Variants in PLIN1 observed in about 807,000 individuals in gnomAD.
The protein encoded by PLIN1 is perilipin-1.
PLIN1 carries 37 observed loss-of-function variants against 45.8 expected under a neutral mutation model. That is an observed-to-expected ratio of 0.81 (90% CI 0.62 to 1.06). The LOEUF (loss-of-function observed/expected upper bound fraction) is 1.06, where lower values mean the gene tolerates loss of function less well. Among genes scored for constraint, PLIN1 ranks in the 50% least tolerant of loss-of-function variants. The pLI, the probability that PLIN1 is intolerant of heterozygous loss-of-function variation, is 0.00. For synonymous variants in PLIN1, 340 were observed against 309.2 expected (o/e 1.10, Z -1.05); for missense variants, 776 against 716.5 (o/e 1.08, Z -0.95).
intron 3 of PLIN1, among the ~76,000 whole-genome samples, chr15:89,672,849 ACT>A (rs1030915683): frequency 6.6e-6 from 1 of 151,676 alleles, no homozygotes; most frequent in East Asian, 1.9e-4. Context: ...CCTCTGCCAG[ACT>A]CTGCTGGTTC....
chr15:89,677,945 GAT>G (rs924427585), intron 1 of PLIN1: 26 of 165,674 alleles, frequency 1.6e-4, no homozygotes, highest in Non-Finnish European at 3.0e-4. Context: ...GTTTAGTAGA[GAT>G]GGGGTTTCAC....
intron 7 of PLIN1, 87 bp downstream of exon 7, chr15:89,667,515 G>T: frequency 1.2e-6 from 2 of 1,600,994 alleles, no homozygotes; most frequent in Non-Finnish European, 1.7e-6. Context: ...CTGCATCTGG[G>T]GCAGAGGCCC....
rs1596037238 is a variant in PLIN1 at position 89,664,595 on chromosome 15, C to A, written c.*988G>T. The A allele has an allele frequency of 3.4e-6, 1 of 290,640 alleles. No homozygotes were observed. Among genetic ancestry groups the A allele is most frequent in the Non-Finnish European group, 6.8e-6 (1 of 147,114 alleles). The allele number at this position is 290,640 out of a possible 1,614,324, so 18.0% of individuals were successfully genotyped here. On this transcript the variant is annotated 3_prime_UTR_variant, in exon 9 of 9. Transcript: ENST00000300055. ...GTGAAAAAAGCAGGCATGCGTAACA[C>A]CCCACAGCTTGTGTAAACACAAGCG... is the stretch of plus-strand genomic sequence containing the variant.
chr15:89,667,282 T>C, intron 7 of PLIN1, 101 bp from the exon 8 acceptor site: 1 of 1,507,832 alleles, frequency 6.6e-7, no homozygotes. Context: ...GAATACCAAA[T>C]TTACAAAACT....
At position 89,664,833 on chromosome 15, in the gene PLIN1, T is replaced by C. The variant is rs1481127163; in HGVS notation, c.*750A>G. ...TAGGGTTGGGGATGAACTGTGGCTA[T>C]ACATAAAGTCTATATATCATCACCA... On this transcript the variant is annotated 3_prime_UTR_variant, in exon 9 of 9. Transcript: ENST00000300055. 6 of 455,500 alleles carry C rather than the reference T, an allele frequency of 1.3e-5. No individual in the cohort carries two copies. The highest frequency in any genetic ancestry group is 9.3e-5 in the South Asian group (6 of 64,414). The allele number at this position is 455,500 out of a possible 1,614,324, so 28.2% of individuals were successfully genotyped here.
chr15:89,665,840 C>T lies in PLIN1; in HGVS notation c.1312G>A (p.Ala438Thr). The T allele has an allele frequency of 6.9e-7, 1 of 1,457,668 alleles. No homozygotes were observed. The highest frequency in any genetic ancestry group is 1.3e-5 in the South Asian group (1 of 75,720). 90.3% of individuals were successfully genotyped at this position (1,457,668 alleles called of 1,614,324 possible). Residue 438 changes from alanine to threonine, a missense_variant, in exon 9 of 9, where the codon GCG becomes ACG. Coordinates refer to ENST00000300055, the MANE Select transcript of PLIN1 (RefSeq NM_002666.5). The stretch of plus-strand genomic sequence containing the variant: ...GCGGGCTCCGGGCCGGCGGACGGCG[C>T]CCCAGACGCTCTGCGCTCCGCCTCC... ...RREAERRASGAPSAGPEPAPR... is the reference protein window; with the variant it reads ...RREAERRASGTPSAGPEPAPR...
chr15:89,664,704 CA>C lies in PLIN1; in HGVS notation c.*878del, dbSNP rs1368272665. The C allele has an allele frequency of 7.7e-6, 3 of 387,392 alleles. No individual in the cohort carries two copies. Among genetic ancestry groups the C allele is most frequent in the African/African-American group, 6.2e-5 (3 of 48,008 alleles). The allele number at this position is 387,392 out of a possible 1,614,324, so 24.0% of individuals were successfully genotyped here. On this transcript the variant is annotated 3_prime_UTR_variant, in exon 9 of 9. Coordinates refer to ENST00000300055, the MANE Select transcript of PLIN1 (RefSeq NM_002666.5). The stretch of plus-strand genomic sequence containing the variant: ...CGTGGTGGTTTTCAATGAAGGGGAA[CA>C]GGGGAGCTCGGGGAGAAAGACACAC...
intron 7 of PLIN1, 44 bp from the exon 8 acceptor site, chr15:89,667,225 T>C: frequency 6.2e-7 from 1 of 1,609,072 alleles, no homozygotes; most frequent in Non-Finnish European, 8.5e-7. Flanking sequence ...GTAACTCCCC[T>C]GACCCTTCCC....
chr15:89,665,463 A>T lies in PLIN1; in HGVS notation c.*120T>A, dbSNP rs1304391268. On this transcript the variant is annotated 3_prime_UTR_variant, in exon 9 of 9. Coordinates refer to ENST00000300055, the MANE Select transcript of PLIN1 (RefSeq NM_002666.5). ...AGTGCGCCTTGGCAGCATCATCAGG[A>T]TGAGGCTGAGCTCCCCAGGGGACCA... The T allele has an allele frequency of 2.6e-6, 2 of 783,694 alleles. 1 individual carries two copies. Among genetic ancestry groups the T allele is most frequent in the Non-Finnish European group, 3.7e-6 (2 of 541,400 alleles). 48.5% of individuals were successfully genotyped at this position (783,694 alleles called of 1,614,324 possible).
At chr15:89,677,694 A>G (rs1964539635) in intron 1 of PLIN1, 191 bp from the exon 2 acceptor site, 2 of 648,352 alleles carry the variant, frequency 3.1e-6, no homozygotes, top group Non-Finnish European at 2.8e-6. Context: ...CATAGCAATG[A>G]GTTGCTCCAT....
chr15:89,668,776 G>A (rs1327757120), intron 6 of PLIN1, among the ~76,000 whole-genome samples: 1 of 152,140 alleles, frequency 6.6e-6, no homozygotes, highest in Non-Finnish European at 1.5e-5. Flanking sequence ...TTCCTGCAGG[G>A]GCAACACTTG....
chr15:89,665,516 C>G lies in PLIN1; in HGVS notation c.*67G>C. The G allele has an allele frequency of 6.8e-7, 1 of 1,474,418 alleles. No homozygotes were observed. Among genetic ancestry groups the G allele is most frequent in the Non-Finnish European group, 9.1e-7 (1 of 1,101,750 alleles). The allele number at this position is 1,474,418 out of a possible 1,614,324, so 91.3% of individuals were successfully genotyped here. Reference sequence around the variant, plus strand: ...TTGAAAGTGGCAACGCTCGCCTGGGCAGTGCGGGTTCTGTTTATTTGTTAG... The same window carrying G: ...TTGAAAGTGGCAACGCTCGCCTGGGGAGTGCGGGTTCTGTTTATTTGTTAG... On this transcript the variant is annotated 3_prime_UTR_variant, in exon 9 of 9. Transcript: ENST00000300055.
In PLIN1 at chr15:89,670,029, G is replaced by A. The variant is rs1336431507; in HGVS notation, c.549C>T (p.Ser183=). 1 of 1,613,736 alleles carries A rather than the reference G, an allele frequency of 6.2e-7. No homozygotes were observed. Among genetic ancestry groups the A allele is most frequent in the Non-Finnish European group, 8.5e-7 (1 of 1,179,868 alleles). The change falls in exon 5 of 9, where the codon AGC becomes AGT. Residue 183 remains serine (S), a synonymous_variant. Coordinates refer to ENST00000300055, the MANE Select transcript of PLIN1 (RefSeq NM_002666.5). The part of the protein sequence containing the change: ...ASGGADLALG[S]IEKVVEYLLP... ...GGAGGTACTCCACCACCTTCTCAAT[G>A]CTGCCCAAGGCCAAGTCGGCCCCTC...
intron 8 of PLIN1, among the ~76,000 whole-genome samples, chr15:89,666,544 A>G (rs908304773): frequency 6.6e-6 from 1 of 152,096 alleles, no homozygotes; most frequent in African/African-American, 2.4e-5. Flanking sequence ...GTCCCCTGGA[A>G]CTCATGGCCC....
At position 89,667,505 on chromosome 15, in the gene PLIN1, C is replaced by G; in HGVS notation, c.963+97G>C. The G allele has an allele frequency of 1.9e-6, 3 of 1,587,320 alleles. No homozygotes were observed. The South Asian group carries it at 3.3e-5, about 18-fold the overall frequency. On this transcript the variant is annotated intron_variant, in intron 7 of 8. Transcript: ENST00000300055. ...GGTGTTGCACGCACATGCCGTGCCC[C>G]TGCATCTGGGGCAGAGGCCCTGAGT...
intron 1 of PLIN1, among the ~76,000 whole-genome samples, chr15:89,678,300 A>G (rs1964550100): frequency 6.6e-6 from 1 of 151,880 alleles, no homozygotes; most frequent in Non-Finnish European, 1.5e-5. Flanking sequence ...ACCTGAGTTC[A>G]GGAGTTCAAG....
chr15:89,667,725 C>T lies in PLIN1; in HGVS notation c.840G>A (p.Arg280=), dbSNP rs779140360. ...CTGCGAGGCTGTGCAGCCAGGGTAC[C>T]CGCACTTCGCTCCTCCGCCGGGACA... ...QAVSRRRSEV[R]VPWLHSLAAA... is the part of the protein sequence containing the mutation. Residue 280 remains arginine (R), a synonymous_variant, in exon 7 of 9, where the codon CGG becomes CGA. Coordinates refer to ENST00000300055, the MANE Select transcript of PLIN1 (RefSeq NM_002666.5). 13 of 1,574,096 alleles carry T rather than the reference C, an allele frequency of 8.3e-6. No homozygotes were observed. Among genetic ancestry groups the T allele is most frequent in the Admixed American group, 3.8e-5 (2 of 52,884 alleles).
At chr15:89,671,684 G>A (rs556433222) in intron 3 of PLIN1, 120 bp from the exon 4 acceptor site, 5 of 772,366 alleles carry the variant, frequency 6.5e-6, no homozygotes, top group African/African-American at 3.4e-5. Context: ...TGCCTCCCCA[G>A]CATCTCTGGG....
chr15:89,667,261 G>A, intron 7 of PLIN1, 80 bp from the exon 8 acceptor site: 10 of 1,580,866 alleles, frequency 6.3e-6, no homozygotes, highest in Non-Finnish European at 8.6e-6. Flanking sequence ...GGGCTAGAGG[G>A]GAAAGCATGA....
Sources: allele counts gnomAD v4.1 joint callset (sites outside exome capture counted in the v4.1 genomes callset), GRCh38; gene constraint gnomAD v4.1.1; transcripts MANE v1.5; gene names NCBI Gene and HGNC (gene_info 2026-07-23, HGNC 2026-07-21).